The following GRM5 variants were observed in gnomAD, a reference collection of about 807,000 sequenced individuals.
The protein encoded by GRM5 is glutamate metabotropic receptor 5.
Under a neutral mutation model 83.1 loss-of-function variants are expected in GRM5, and 19 were observed. The observed-to-expected ratio is 0.23, with a 90% CI of 0.16 to 0.34. The LOEUF (loss-of-function observed/expected upper bound fraction) is 0.34, where lower values mean the gene tolerates loss of function less well. Among genes scored for constraint, GRM5 ranks in the 10% least tolerant of loss-of-function variants. The pLI is 1.00. For synonymous variants in GRM5, 675 were observed against 633.6 expected (o/e 1.07, Z -0.98); for missense variants, 1,160 against 1,588.3 (o/e 0.73, Z 4.58).
chr11:88,635,842 C>G (rs533047820), intron 4 of GRM5, among the ~76,000 whole-genome samples: 1 of 152,064 alleles, frequency 6.6e-6, no homozygotes, highest in Non-Finnish European at 1.5e-5. Flanking sequence ...CTTTAATTCA[C>G]GTTGAGTTGA....
chr11:88,902,950 CAAAAAAAAAAAAAA>C lies in GRM5; in HGVS notation c.662-52809_662-52796del, dbSNP rs201996144. On this transcript the variant is annotated intron_variant, in intron 2 of 9. Transcript: ENST00000305447. ...TGGGCGACAGACCAAGACTCCATCT[CAAAAAAAAAAAAAA>C]AAAAAAAAAAAAAAAGCAAAGAAAA... Among the ~76,000 whole-genome samples the C allele has an allele frequency of 3.6e-3, 221 of 61,904 alleles. 3 individuals are homozygous for C. The highest frequency in any genetic ancestry group is 0.019 in the African/African-American group (168 of 8,902). 40.6% of individuals were successfully genotyped at this position (61,904 alleles called of 152,430 possible). A position where few individuals can be genotyped will look rare whatever the true frequency, so the allele number is the denominator to read the frequency against.
At chr11:89,024,583 C>T (rs1027829588) in intron 2 of GRM5, among the ~76,000 whole-genome samples, 12 of 152,300 alleles carry the variant, frequency 7.9e-5, no homozygotes, top group African/African-American at 2.9e-4. Flanking sequence ...ATCTTATCAC[C>T]TCTTTAGCTC....
At chr11:88,534,518 G>C (rs1016372854) in intron 8 of GRM5, among the ~76,000 whole-genome samples, 4 of 152,182 alleles carry the variant, frequency 2.6e-5, no homozygotes, top group African/African-American at 9.7e-5. Flanking sequence ...ATCTGGAATG[G>C]CTGTATTTAC....
chr11:88,880,360 A>T (rs1193240113), intron 2 of GRM5, among the ~76,000 whole-genome samples: 1 of 152,152 alleles, frequency 6.6e-6, no homozygotes, highest in African/African-American at 2.4e-5. Context: ...AAAGTGAGTA[A>T]AAACTGTACA....
intron 3 of GRM5, among the ~76,000 whole-genome samples, chr11:88,723,556 C>T (rs1178404617): frequency 6.6e-6 from 1 of 151,966 alleles, no homozygotes; most frequent in Non-Finnish European, 1.5e-5. Context: ...GTCTCTCAAA[C>T]AAATGGTTGT....
At chr11:88,930,265 T>A (rs1164840974) in intron 2 of GRM5, among the ~76,000 whole-genome samples, 2 of 151,152 alleles carry the variant, frequency 1.3e-5, no homozygotes, top group African/African-American at 2.4e-5. Flanking sequence ...AAAAAAAAAA[T>A]TAGTTTGGCA....
At chr11:88,751,624 A>T (rs1942275854) in intron 3 of GRM5, among the ~76,000 whole-genome samples, 1 of 152,160 alleles carries the variant, frequency 6.6e-6, no homozygotes, top group African/African-American at 2.4e-5. Flanking sequence ...CATCATCCTG[A>T]CACCAAAACC....
At chr11:88,801,236 A>T (rs1415960183) in intron 3 of GRM5, among the ~76,000 whole-genome samples, 1 of 152,160 alleles carries the variant, frequency 6.6e-6, no homozygotes, top group Non-Finnish European at 1.5e-5. Flanking sequence ...TGCCATGTAG[A>T]TACTGAGAAG....
At chr11:88,948,752 G>A (rs750039645) in intron 2 of GRM5, among the ~76,000 whole-genome samples, 1 of 152,048 alleles carries the variant, frequency 6.6e-6, no homozygotes, top group Non-Finnish European at 1.5e-5. Context: ...CTCCTATTAT[G>A]TGCAAATATT....
intron 2 of GRM5, among the ~76,000 whole-genome samples, chr11:88,956,434 G>T (rs1207834531): frequency 2.0e-5 from 3 of 152,188 alleles, no homozygotes; most frequent in South Asian, 4.1e-4. Context: ...CTAGGCTAGA[G>T]ATTGAATACA....
chr11:88,561,183 G>A (rs951186394), intron 8 of GRM5, among the ~76,000 whole-genome samples: 20 of 152,164 alleles, frequency 1.3e-4, no homozygotes, highest in Non-Finnish European at 2.9e-4. Context: ...TCACACAAAT[G>A]AACCAGTTTT....
At chr11:88,891,955 A>T (rs183811619) in intron 2 of GRM5, among the ~76,000 whole-genome samples, 108 of 152,174 alleles carry the variant, frequency 7.1e-4, no homozygotes, top group Middle Eastern at 3.4e-3. Context: ...AATATTGCTG[A>T]TCCTTATTTT....
At chr11:88,970,339 T>C (rs1010394332) in intron 2 of GRM5, among the ~76,000 whole-genome samples, 44 of 152,144 alleles carry the variant, frequency 2.9e-4, no homozygotes, top group Non-Finnish European at 4.7e-4. Context: ...CTGCTTCCCC[T>C]AGATTTTCAC....
chr11:88,982,480 A>G (rs1939557874), intron 2 of GRM5, among the ~76,000 whole-genome samples: 1 of 152,060 alleles, frequency 6.6e-6, no homozygotes, highest in Non-Finnish European at 1.5e-5. Context: ...ATCTGTAATA[A>G]TTCTTTTAAT....
rs774528947 is a variant in GRM5, at chr11:88,665,168, C to CACACACACAT, written c.912-11766_912-11765insATGTGTGTGT. Among the ~76,000 whole-genome samples the CACACACACAT allele has an allele frequency of 9.3e-3, 1,411 of 151,586 alleles. 9 individuals carry two copies. Among genetic ancestry groups the CACACACACAT allele is most frequent in the East Asian group, 0.049 (253 of 5,152 alleles). On this transcript the variant is annotated intron_variant, in intron 3 of 9. Coordinates refer to ENST00000305447, the MANE Select transcript of GRM5 (RefSeq NM_001143831.3). The stretch of plus-strand genomic sequence containing the variant: ...AGAGATAATTTAATTTATTTACACA[C>CACACACACAT]ACACACACACACACACACACACATC...
intron 7 of GRM5, among the ~76,000 whole-genome samples, chr11:88,586,665 T>C (rs1943321301): frequency 6.6e-6 from 1 of 152,206 alleles, no homozygotes; most frequent in Non-Finnish European, 1.5e-5. Context: ...TGTGTTACTT[T>C]GAATCAGAGT....
At chr11:89,054,602 A>T (rs1185087489) in intron 1 of GRM5, among the ~76,000 whole-genome samples, 1 of 152,164 alleles carries the variant, frequency 6.6e-6, no homozygotes, top group Admixed American at 6.6e-5. Flanking sequence ...GTGGAAAGAG[A>T]AAAGAATCTA....
At chr11:88,629,689 T>G (rs193228336) in intron 4 of GRM5, among the ~76,000 whole-genome samples, 1 of 152,288 alleles carries the variant, frequency 6.6e-6, no homozygotes, top group Admixed American at 6.5e-5. Flanking sequence ...TACTCTGACC[T>G]GAACTGATTT....
intron 2 of GRM5, among the ~76,000 whole-genome samples, chr11:88,987,522 C>A (rs1468924322): frequency 1.6e-4 from 24 of 151,960 alleles, no homozygotes; most frequent in Non-Finnish European, 2.6e-4. Flanking sequence ...CTCAAGGAGG[C>A]CTGCCTGCCT....
Sources: allele counts gnomAD v4.1 joint callset (sites outside exome capture counted in the v4.1 genomes callset), GRCh38; gene constraint gnomAD v4.1.1; transcripts MANE v1.5; gene names NCBI Gene and HGNC (gene_info 2026-07-23, HGNC 2026-07-21).